Variants in GRID1 observed in about 807,000 individuals in gnomAD.
GRID1 encodes the protein glutamate ionotropic receptor delta type subunit 1.
A neutral mutation model predicts 98.0 loss-of-function variants in GRID1; 28 were observed. The ratio of observed to expected loss-of-function variants is 0.29; its 90% CI spans 0.21 to 0.39. The LOEUF is 0.39. Ranked by LOEUF, GRID1 falls within the 10% of genes least tolerant of loss-of-function variation. The pLI, the probability that GRID1 is intolerant of heterozygous loss-of-function variation, is 1.00. For missense variants in GRID1, 1,111 were observed against 1,340.5 expected, an observed-to-expected ratio of 0.83 and a Z score of 2.67; for synonymous variants, 553 against 538.5, an observed-to-expected ratio of 1.03 and a Z score of -0.37.
intron 12 of GRID1, among the ~76,000 whole-genome samples, chr10:85,661,110 A>C (rs1427632703): frequency 6.6e-6 from 1 of 151,744 alleles, no homozygotes; most frequent in Admixed American, 6.6e-5. Context: ...GCCAACCTGC[A>C]TGGCCAGTCA....
At chr10:85,946,277 G>A (rs1842052443) in intron 4 of GRID1, among the ~76,000 whole-genome samples, 1 of 152,148 alleles carries the variant, frequency 6.6e-6, no homozygotes, top group Non-Finnish European at 1.5e-5. Flanking sequence ...ATCAGCTAAT[G>A]GTATCTCATG....
At chr10:86,071,803 T>C (rs1489621338) in intron 4 of GRID1, among the ~76,000 whole-genome samples, 1 of 151,838 alleles carries the variant, frequency 6.6e-6, no homozygotes, top group Non-Finnish European at 1.5e-5. Flanking sequence ...TGGGATCTAG[T>C]AAAGGAGAGG....
In GRID1 at chr10:86,301,937, G is replaced by A. The variant is rs186640483; in HGVS notation, c.235+62004C>T. Among the ~76,000 whole-genome samples the A allele has an allele frequency of 1.1e-4, 17 of 152,312 alleles. No individual in the cohort carries two copies. In the East Asian group the frequency reaches 3.1e-3, roughly 28 times the overall value. ...CTGAAAGACCCTCTTAAGTCATCAA[G>A]GCTATATTTGCACCCCCAAAAATGG... On this transcript the variant is annotated intron_variant, in intron 2 of 15. Coordinates refer to ENST00000327946, the MANE Select transcript of GRID1 (RefSeq NM_017551.3).
chr10:85,877,775 G>C (rs1210157223), intron 5 of GRID1, among the ~76,000 whole-genome samples: 2 of 152,332 alleles, frequency 1.3e-5, no homozygotes, highest in East Asian at 3.9e-4. Context: ...AACGGAGAAT[G>C]ACCTTGACGA....
At chr10:85,638,579 A>G (rs540544779) in intron 13 of GRID1, among the ~76,000 whole-genome samples, 1 of 152,350 alleles carries the variant, frequency 6.6e-6, no homozygotes, top group East Asian at 1.9e-4. Context: ...CAAGGCATGT[A>G]GTCAATTGAT....
chr10:86,256,633 A>G (rs1320160385), intron 2 of GRID1, among the ~76,000 whole-genome samples: 1 of 152,038 alleles, frequency 6.6e-6, no homozygotes, highest in Non-Finnish European at 1.5e-5. Flanking sequence ...TGTATATATA[A>G]TTCACAAGAC....
chr10:86,205,645 A>G (rs2132018851), intron 3 of GRID1, among the ~76,000 whole-genome samples: 1 of 152,294 alleles, frequency 6.6e-6, no homozygotes, highest in East Asian at 1.9e-4. Flanking sequence ...AATCTAAATT[A>G]TCACATAATT....
At chr10:86,130,367 T>C (rs1844817336) in intron 4 of GRID1, among the ~76,000 whole-genome samples, 1 of 152,230 alleles carries the variant, frequency 6.6e-6, no homozygotes, top group African/African-American at 2.4e-5. Flanking sequence ...CCCTCAAGCC[T>C]GGAAACTCAC....
At chr10:86,063,344 TG>T (rs1843674951) in intron 4 of GRID1, among the ~76,000 whole-genome samples, 2 of 152,166 alleles carry the variant, frequency 1.3e-5, no homozygotes, top group African/African-American at 4.8e-5. Flanking sequence ...AAGGAGCTCA[TG>T]GTGAACTGGA....
chr10:86,137,031 A>G (rs1844937551), intron 4 of GRID1, among the ~76,000 whole-genome samples: 1 of 152,006 alleles, frequency 6.6e-6, no homozygotes, highest in African/African-American at 2.4e-5. Context: ...CCCCATTCCC[A>G]TCACACCCAG....
At chr10:86,359,735 C>T (rs114149357) in intron 2 of GRID1, among the ~76,000 whole-genome samples, 1,628 of 152,352 alleles carry the variant, frequency 0.011, 31 homozygotes, top group African/African-American at 0.036. Flanking sequence ...GACTCGTGCT[C>T]AGCCAGTTCT....
chr10:85,824,666 A>G (rs925466653), intron 8 of GRID1, among the ~76,000 whole-genome samples: 1 of 152,090 alleles, frequency 6.6e-6, no homozygotes, highest in Non-Finnish European at 1.5e-5. Flanking sequence ...TGTACCCAAT[A>G]TATAGTTTTT....
chr10:86,208,796 T>TCGTGCAAGAACAC (rs1427365053), intron 2 of GRID1, among the ~76,000 whole-genome samples: 29 of 152,326 alleles, frequency 1.9e-4, no homozygotes, highest in African/African-American at 7.0e-4. Context: ...CAGTAAAGAC[T>TCGTGCAAGAACAC]CGTGCAAGAA....
chr10:85,994,411 T>A (rs1273878168), intron 4 of GRID1, among the ~76,000 whole-genome samples: 1 of 152,168 alleles, frequency 6.6e-6, no homozygotes, highest in Non-Finnish European at 1.5e-5. Flanking sequence ...TCCAGCCCAT[T>A]AACAGCCAAT....
At chr10:86,095,160 G>A (rs922876895) in intron 4 of GRID1, among the ~76,000 whole-genome samples, 17 of 152,124 alleles carry the variant, frequency 1.1e-4, no homozygotes, top group African/African-American at 4.1e-4. Context: ...CACAGGAGGA[G>A]AGTGAAACTG....
At chr10:86,144,743 C>T (rs576488122) in intron 3 of GRID1, among the ~76,000 whole-genome samples, 6 of 152,270 alleles carry the variant, frequency 3.9e-5, no homozygotes, top group African/African-American at 9.6e-5. Flanking sequence ...CTCCTTCACA[C>T]GCTCCCGGTC....
At position 86,107,255 on chromosome 10, in the gene GRID1, C is replaced by T. The variant is rs76452070; in HGVS notation, c.726+31564G>A. ...CCCGATAGCTGCTCTGGGAGGGAACCTGGAGCCCTGTGGCCCTGCCCTGGC... is the reference window on the plus strand; with the variant it reads ...CCCGATAGCTGCTCTGGGAGGGAACTTGGAGCCCTGTGGCCCTGCCCTGGC... On this transcript the variant is annotated intron_variant, in intron 4 of 15. Coordinates refer to ENST00000327946, the MANE Select transcript of GRID1 (RefSeq NM_017551.3). Among the ~76,000 whole-genome samples the T allele has an allele frequency of 4.4e-3, 676 of 152,338 alleles. 20 individuals carry two copies. In the East Asian group the frequency reaches 0.077, roughly 17 times the overall value.
intron 8 of GRID1, among the ~76,000 whole-genome samples, chr10:85,751,439 G>A (rs79905409): frequency 1.3e-5 from 2 of 152,248 alleles, no homozygotes; most frequent in East Asian, 3.9e-4. Context: ...GCTGCTGAAA[G>A]CTTGAGAAAA....
At position 85,684,847 on chromosome 10, in the gene GRID1, T is replaced by G. The variant is rs147713006; in HGVS notation, c.1998-37450A>C. On this transcript the variant is annotated intron_variant, in intron 12 of 15. Coordinates refer to ENST00000327946, the MANE Select transcript of GRID1 (RefSeq NM_017551.3). Reference sequence around the variant, plus strand: ...GAAGGTTCACTTTTGGCTTGCAGACTGCCATATCTTCACTGTATCCCACAT... The same window carrying G: ...GAAGGTTCACTTTTGGCTTGCAGACGGCCATATCTTCACTGTATCCCACAT... 5.7e-3 allele frequency among the ~76,000 whole-genome samples: 861 copies of G among 152,318 alleles called. 3 individuals carry two copies. The highest frequency in any genetic ancestry group is 0.013 in the South Asian group (62 of 4,824).
Sources: allele counts gnomAD v4.1 joint callset (sites outside exome capture counted in the v4.1 genomes callset), GRCh38; gene constraint gnomAD v4.1.1; transcripts MANE v1.5; gene names NCBI Gene and HGNC (gene_info 2026-07-23, HGNC 2026-07-21).